Variants in KATNAL2 observed in about 807,000 individuals in gnomAD.
The protein encoded by KATNAL2 is katanin catalytic subunit A1 like 2.
A neutral mutation model predicts 76.3 loss-of-function variants in KATNAL2; 52 were observed. The ratio of observed to expected loss-of-function variants is 0.68; its 90% CI spans 0.55 to 0.86. KATNAL2 has a LOEUF of 0.86. Ranked by LOEUF, KATNAL2 falls within the 40% of genes least tolerant of loss-of-function variation. The pLI is 0.00. For missense variants in KATNAL2, 660 were observed against 668.9 expected (o/e 0.99, Z 0.15); for synonymous variants, 243 against 244.2 (o/e 1.00, Z 0.05).
intron 3 of KATNAL2, among the ~76,000 whole-genome samples, chr18:46,961,603 G>C (rs771313553): frequency 2.0e-5 from 3 of 152,156 alleles, no homozygotes; most frequent in African/African-American, 4.8e-5. Context: ...TTCAAATACA[G>C]ACATAGGATT....
At chr18:47,050,115 C>A (rs2060417) in intron 4 of KATNAL2, among the ~76,000 whole-genome samples, 60,789 of 151,854 alleles carry the variant, frequency 0.4, 12,210 homozygotes, top group Admixed American at 0.51. Flanking sequence ...TGGGCTCAAG[C>A]GATCCACCCA....
chr18:46,946,114 G>A lies in KATNAL2; in HGVS notation c.-452G>A. On this transcript the variant is annotated 5_prime_UTR_variant, in exon 2 of 18. It removes an upstream start codon present in the reference 5' UTR. Coordinates refer to ENST00000683218, the MANE Select transcript of KATNAL2 (RefSeq NM_001387690.1). Reference sequence around the variant, plus strand: ...AGGGAGAAATGGATGAAGAAGAAATGGATGAAGAAGACCGAAGATAATGAT... The same window carrying A: ...AGGGAGAAATGGATGAAGAAGAAATAGATGAAGAAGACCGAAGATAATGAT... The A allele has an allele frequency of 1.6e-6, 1 of 621,068 alleles. No homozygotes were observed. The highest frequency in any genetic ancestry group is 7.0e-5 in the South Asian group (1 of 14,238). The allele number at this position is 621,068 out of a possible 1,614,324, so 38.5% of individuals were successfully genotyped here.
intron 4 of KATNAL2, among the ~76,000 whole-genome samples, chr18:47,048,134 C>T (rs926113017): frequency 6.6e-6 from 1 of 152,166 alleles, no homozygotes; most frequent in Non-Finnish European, 1.5e-5. Context: ...ATCTGACGCA[C>T]AGGACAGCCC....
At position 47,100,960 on chromosome 18, in the gene KATNAL2, G is replaced by A. The variant is rs1343175520; in HGVS notation, c.1572G>A (p.Leu524=). ...ACACCAAGCCCTCCGCAAAGAATCT[G>A]GCTCAGAGATACTCAGACTGGCAAA... ...LTHTKPSAKN[L]AQRYSDWQRE... Residue 524 remains leucine (L), a synonymous_variant, in exon 18 of 18, where the codon CTG becomes CTA. Transcript: ENST00000683218. The A allele has an allele frequency of 1.9e-6, 3 of 1,613,936 alleles. No individual in the cohort carries two copies. The highest frequency in any genetic ancestry group is 2.5e-6 in the Non-Finnish European group (3 of 1,180,018).
At chr18:46,956,973 G>T (rs1450469032) in intron 3 of KATNAL2, among the ~76,000 whole-genome samples, 1 of 150,840 alleles carries the variant, frequency 6.6e-6, no homozygotes, top group African/African-American at 2.4e-5. Context: ...AACCTGGGAG[G>T]TGGAGTTTGC....
chr18:47,038,799 C>T (rs1376502713), intron 3 of KATNAL2, among the ~76,000 whole-genome samples: 2 of 152,110 alleles, frequency 1.3e-5, no homozygotes, highest in Non-Finnish European at 2.9e-5. Context: ...GTTTCTTCAA[C>T]TTGTATATAT....
chr18:47,033,230 C>T lies in KATNAL2; in HGVS notation c.52-13227C>T, dbSNP rs753794295. 38 of 1,613,904 alleles carry T rather than the reference C, an allele frequency of 2.4e-5. No individual in the cohort carries two copies. In the South Asian group the frequency reaches 2.5e-4, roughly 11 times the overall value. Reference sequence around the variant, plus strand: ...CTGGAGGGAGTGTGGCTGCTTCCCGCGGGCTTGGAGGCTGGCTTGATCTCC... The same window carrying T: ...CTGGAGGGAGTGTGGCTGCTTCCCGTGGGCTTGGAGGCTGGCTTGATCTCC... On this transcript the variant is annotated intron_variant, in intron 3 of 17. Coordinates refer to ENST00000683218, the MANE Select transcript of KATNAL2 (RefSeq NM_001387690.1).
Position 47,034,843 on chromosome 18 carries a change from C to T in KATNAL2, c.52-11614C>T, listed in dbSNP as rs763303521. On this transcript the variant is annotated intron_variant, in intron 3 of 17. Transcript: ENST00000683218. ...GCGACTGTGAGACCTCGGGTGAGGT[C>T]TCTGTTGCCCCGGAGGTGTTCTGCG... The T allele has an allele frequency of 7.4e-6, 12 of 1,612,142 alleles. No homozygotes were observed. The South Asian group carries it at 1.3e-4, about 18-fold the overall frequency.
intron 3 of KATNAL2, chr18:47,033,635 G>A (rs1196066458): frequency 6.2e-7 from 1 of 1,614,096 alleles, no homozygotes; most frequent in Non-Finnish European, 8.5e-7. Flanking sequence ...ACGTCGCTGA[G>A]GGCGTCCGGA....
intron 8 of KATNAL2, among the ~76,000 whole-genome samples, 154 bp from the exon 9 acceptor site, chr18:47,062,818 G>A (rs376776658): frequency 2.6e-5 from 4 of 152,218 alleles, no homozygotes; most frequent in East Asian, 3.8e-4. Flanking sequence ...AAATCATCAC[G>A]TTTAATACTA....
chr18:46,958,567 T>C (rs1213038659), intron 3 of KATNAL2, among the ~76,000 whole-genome samples: 1 of 152,242 alleles, frequency 6.6e-6, no homozygotes, highest in East Asian at 1.9e-4. Flanking sequence ...TTCTATGTTT[T>C]ATTTCTGATG....
At chr18:46,934,097 G>A (rs541679698) in intron 1 of KATNAL2, among the ~76,000 whole-genome samples, 2 of 151,926 alleles carry the variant, frequency 1.3e-5, no homozygotes, top group South Asian at 2.1e-4. Context: ...GAATAGTGCC[G>A]CTATAAACAC....
intron 3 of KATNAL2, among the ~76,000 whole-genome samples, chr18:46,961,987 T>C (rs1000583624): frequency 6.6e-6 from 1 of 152,232 alleles, no homozygotes; most frequent in Non-Finnish European, 1.5e-5. Context: ...ACAGTTATCT[T>C]CAGGCATTAA....
chr18:47,053,062 C>A lies in KATNAL2; in HGVS notation c.289+16C>A. 6.4e-7 allele frequency: 1 copy of A among 1,567,744 alleles called. No individual in the cohort carries two copies. The highest frequency in any genetic ancestry group is 8.6e-7 in the Non-Finnish European group (1 of 1,159,114). Reference sequence around the variant, plus strand: ...TCAGACACAGGTACATGCCTATTTTCTAGAGATAAGGCTTTGTCTCATCTG... The same window carrying A: ...TCAGACACAGGTACATGCCTATTTTATAGAGATAAGGCTTTGTCTCATCTG... On this transcript the variant is annotated intron_variant, in intron 5 of 17. Transcript: ENST00000683218.
In KATNAL2 at chr18:46,928,158, A is replaced by G. The variant is rs2058789998; in HGVS notation, c.-510+10232A>G. Among the ~76,000 whole-genome samples, 5 of 152,252 alleles carry G rather than the reference A, an allele frequency of 3.3e-5. No homozygotes were observed. The South Asian group carries it at 8.3e-4, about 25-fold the overall frequency. ...TGCGTTCCTTTGGAGGAGGAGAGGCACTGTGATTTTTAGAGTTTCCGGTTT... is the reference window on the plus strand; with the variant it reads ...TGCGTTCCTTTGGAGGAGGAGAGGCGCTGTGATTTTTAGAGTTTCCGGTTT... On this transcript the variant is annotated intron_variant, in intron 1 of 17. Transcript: ENST00000683218.
intron 1 of KATNAL2, among the ~76,000 whole-genome samples, chr18:46,935,397 G>T (rs567832216): frequency 1.8e-4 from 28 of 152,078 alleles, no homozygotes; most frequent in Non-Finnish European, 3.8e-4. Context: ...TGACAAAGTG[G>T]CCCAGCCAGC....
chr18:46,933,604 G>C (rs940473824), intron 1 of KATNAL2, among the ~76,000 whole-genome samples: 26 of 151,934 alleles, frequency 1.7e-4, no homozygotes, highest in Non-Finnish European at 3.2e-4. Flanking sequence ...CCACAATAAG[G>C]TATCATCAGC....
chr18:47,069,254 G>T lies in KATNAL2; in HGVS notation c.860G>T (p.Trp287Leu), dbSNP rs1459413233. ...CTATTTACAGGAATTCTTTCTCCCTGGAAAGGACTACTGCTGTACGGCCCT... is the reference window on the plus strand; with the variant it reads ...CTATTTACAGGAATTCTTTCTCCCTTGAAAGGACTACTGCTGTACGGCCCT... ...PQLFTGILSP[W>L]KGLLLYGPPG... The change falls in exon 12 of 18, where the codon TGG becomes TTG. Residue 287 changes from tryptophan (W) to leucine (L), a missense_variant. By Grantham distance (61) the Trp-to-Leu change is moderately conservative. Coordinates refer to ENST00000683218, the MANE Select transcript of KATNAL2 (RefSeq NM_001387690.1). 6.2e-7 allele frequency: 1 copy of T among 1,611,450 alleles called. No homozygotes were observed. The highest frequency in any genetic ancestry group is 8.5e-7 in the Non-Finnish European group (1 of 1,178,880).
intron 15 of KATNAL2, among the ~76,000 whole-genome samples, chr18:47,093,971 T>C (rs1365968799): frequency 6.6e-6 from 1 of 152,268 alleles, no homozygotes; most frequent in African/African-American, 2.4e-5. Context: ...TGCTGTAGTC[T>C]GAATGTGTTC....
Sources: gnomAD v4.1 joint callset for allele counts (sites outside exome capture counted in the v4.1 genomes callset) on GRCh38, gnomAD v4.1.1 for gene constraint, MANE v1.5 for transcripts, NCBI Gene and HGNC (gene_info 2026-07-23, HGNC 2026-07-21) for gene names.